USP6NL: variants seen among roughly 807,000 people sequenced by gnomAD.
USP6NL encodes USP6 N-terminal like.
USP6NL carries 26 observed loss-of-function variants against 61.9 expected under a neutral mutation model. The ratio of observed to expected loss-of-function variants is 0.42; its 90% confidence interval spans 0.31 to 0.58. The LOEUF (loss-of-function observed/expected upper bound fraction) is 0.58. Among genes scored for constraint, USP6NL ranks in the 20% least tolerant of loss-of-function variants. USP6NL has a pLI of 0.16. For synonymous variants in USP6NL, 432 were observed against 390.1 expected, an observed-to-expected ratio of 1.11 and a Z score of -1.27; for missense variants, 1,114 against 1,034.3, an observed-to-expected ratio of 1.08 and a Z score of -1.06.
chr10:11,507,691 T>C (rs1160229600), intron 6 of USP6NL, among the ~76,000 whole-genome samples: 1 of 152,224 alleles, frequency 6.6e-6, no homozygotes, highest in Admixed American at 6.5e-5. Context: ...CTTAATTTTT[T>C]TTTAGTTCAG....
At chr10:11,601,329 C>CA (rs2133679746) in intron 1 of USP6NL, among the ~76,000 whole-genome samples, 1 of 152,210 alleles carries the variant, frequency 6.6e-6, no homozygotes, top group South Asian at 2.1e-4. Context: ...AAGAGACATA[C>CA]ACATATGTAA....
intron 14 of USP6NL, among the ~76,000 whole-genome samples, chr10:11,469,074 T>C (rs1401016291): frequency 1.3e-5 from 2 of 152,200 alleles, no homozygotes; most frequent in Non-Finnish European, 1.5e-5. Flanking sequence ...CTATGCATCA[T>C]ATTAGAATTA....
chr10:11,558,476 C>A (rs905881008), intron 2 of USP6NL, among the ~76,000 whole-genome samples: 8 of 150,970 alleles, frequency 5.3e-5, no homozygotes, highest in Non-Finnish European at 7.4e-5. Context: ...GAATGCTAAT[C>A]TGGACATCTA....
Position 11,602,963 on chromosome 10 carries a change from C to G in USP6NL, c.-83-5246G>C, listed in dbSNP as rs1218720316. On this transcript the variant is annotated intron_variant, in intron 1 of 14. Coordinates refer to ENST00000609104, the MANE Select transcript of USP6NL (RefSeq NM_014688.5). The surrounding 1 kb of genome is among the most constrained non-coding windows in gnomAD (Gnocchi z 4.8). Reference sequence around the variant, plus strand: ...CTAAAGAATGCTCTTGCTGCAACCCCGTGAAACATAACGTCACATTTCTAC... The same window carrying G: ...CTAAAGAATGCTCTTGCTGCAACCCGGTGAAACATAACGTCACATTTCTAC... Among the ~76,000 whole-genome samples the G allele has an allele frequency of 1.3e-5, 2 of 152,186 alleles. No individual in the cohort carries two copies. The highest frequency in any genetic ancestry group is 2.9e-5 in the Non-Finnish European group (2 of 68,026).
chr10:11,472,231 G>C (rs1832781589), intron 14 of USP6NL, among the ~76,000 whole-genome samples: 1 of 152,082 alleles, frequency 6.6e-6, no homozygotes, highest in Admixed American at 6.6e-5. Flanking sequence ...TAAAAAAGAA[G>C]CCAACAAAAT....
intron 8 of USP6NL, among the ~76,000 whole-genome samples, chr10:11,492,488 G>A (rs1340628655): frequency 2.6e-5 from 4 of 152,358 alleles, no homozygotes; most frequent in Middle Eastern, 3.4e-3. Flanking sequence ...AAGAAACTCT[G>A]CCTGTGGCCA....
chr10:11,472,375 C>T (rs767455309), intron 14 of USP6NL, among the ~76,000 whole-genome samples: 3 of 152,246 alleles, frequency 2.0e-5, no homozygotes, highest in South Asian at 4.1e-4. Context: ...CGCCCATCAA[C>T]GGCCTCTGAG....
At position 11,525,035 on chromosome 10, in the gene USP6NL, C is replaced by T. The variant is rs2133394544; in HGVS notation, c.155+351G>A. ...TTTCAGGCTGCATAACACTAAAGTT[C>T]GAATTGCTATTTATTTTTAAAATGC... On this transcript the variant is annotated intron_variant, in intron 4 of 14. Coordinates refer to ENST00000609104, the MANE Select transcript of USP6NL (RefSeq NM_014688.5). This position sits in a 1 kb window ranked among gnomAD's most constrained non-coding sequence, Gnocchi z 5.0. Among the ~76,000 whole-genome samples, 2 of 152,174 alleles carry T rather than the reference C, an allele frequency of 1.3e-5. No homozygotes were observed. Among genetic ancestry groups the T allele is most frequent in the South Asian group, 2.1e-4 (1 of 4,812 alleles).
intron 2 of USP6NL, among the ~76,000 whole-genome samples, chr10:11,549,043 C>A (rs1306147500): frequency 6.6e-6 from 1 of 152,108 alleles, no homozygotes; most frequent in Admixed American, 6.5e-5. Flanking sequence ...TGCTTCTCTT[C>A]GGAGTCTAGT....
intron 2 of USP6NL, among the ~76,000 whole-genome samples, chr10:11,584,608 T>C (rs1253733483): frequency 3.9e-5 from 6 of 152,154 alleles, no homozygotes; most frequent in Non-Finnish European, 7.4e-5. Flanking sequence ...TTATCTCTCC[T>C]CTGACCATCA....
chr10:11,463,539 T>C lies in USP6NL; in HGVS notation c.1389A>G (p.Gln463=), dbSNP rs757226833. The C allele has an allele frequency of 2.3e-5, 37 of 1,613,946 alleles. No homozygotes were observed. The East Asian group carries it at 4.7e-4, about 20-fold the overall frequency. ...LPSGPQDSSR[Q]YNHAAANQNS... ...TTTGGTTGGCAGCTGCGTGATTATA[T>C]TGCCTGGAACTGTCCTGTGGACCCG... Residue 463 remains glutamine (Q), a synonymous_variant, in exon 15 of 15, where the codon CAA becomes CAG. Coordinates refer to ENST00000609104, the MANE Select transcript of USP6NL (RefSeq NM_014688.5). This position sits in a 1 kb window ranked among gnomAD's most constrained non-coding sequence, Gnocchi z 6.3.
intron 4 of USP6NL, among the ~76,000 whole-genome samples, chr10:11,523,071 C>T (rs1428712713): frequency 6.6e-6 from 1 of 152,040 alleles, no homozygotes; most frequent in Non-Finnish European, 1.5e-5. Flanking sequence ...GAACAGTGCT[C>T]AGCACACAGT....
In USP6NL at chr10:11,490,975, C is replaced by A. The variant is rs1014647007; in HGVS notation, c.495-95G>T. On this transcript the variant is annotated intron_variant, in intron 8 of 14. Coordinates refer to ENST00000609104, the MANE Select transcript of USP6NL (RefSeq NM_014688.5). The surrounding 1 kb of genome is among the most constrained non-coding windows in gnomAD (Gnocchi z 4.5). ...AAATAAACCAAAGACTGACTGAAAA[C>A]AGATAATCCAGATAAAATTACTAAT... 4.1e-5 allele frequency: 42 copies of A among 1,027,752 alleles called. No individual in the cohort carries two copies. The South Asian group carries it at 4.9e-4, about 12-fold the overall frequency. 63.7% of individuals were successfully genotyped at this position (1,027,752 alleles called of 1,614,324 possible).
rs1566192202 is a variant in USP6NL, at chr10:11,575,171, T to G, written c.4+22460A>C. Among the ~76,000 whole-genome samples, 1 of 152,158 alleles carries G rather than the reference T, an allele frequency of 6.6e-6. No homozygotes were observed. The highest frequency in any genetic ancestry group is 1.5e-5 in the Non-Finnish European group (1 of 68,018). On this transcript the variant is annotated intron_variant, in intron 2 of 14. Coordinates refer to ENST00000609104, the MANE Select transcript of USP6NL (RefSeq NM_014688.5). This position sits in a 1 kb window ranked among gnomAD's most constrained non-coding sequence, Gnocchi z 4.2. Reference sequence around the variant, plus strand: ...GAGTTCAGATGGGTCAAAGACTAAGTTTTAAACCTCAAGTCAAAACTGTGA... The same window carrying G: ...GAGTTCAGATGGGTCAAAGACTAAGGTTTAAACCTCAAGTCAAAACTGTGA...
chr10:11,479,737 G>A (rs1362853038), intron 14 of USP6NL, among the ~76,000 whole-genome samples: 10 of 151,898 alleles, frequency 6.6e-5, no homozygotes, highest in Non-Finnish European at 5.9e-5. Flanking sequence ...CACTATGCCC[G>A]ACTAATTTGT....
Position 11,482,450 on chromosome 10 carries a change from A to T in USP6NL, c.926-528T>A, listed in dbSNP as rs1046113705. Among the ~76,000 whole-genome samples, 1 of 152,258 alleles carries T rather than the reference A, an allele frequency of 6.6e-6. No individual in the cohort carries two copies. Among genetic ancestry groups the T allele is most frequent in the Non-Finnish European group, 1.5e-5 (1 of 68,050 alleles). ...ATATGAACACAAAGCAGAAAGTAAA[A>T]ATCTGCTCATTACATAATACCCTAC... On this transcript the variant is annotated intron_variant, in intron 13 of 14. Transcript: ENST00000609104. This position sits in a 1 kb window ranked among gnomAD's most constrained non-coding sequence, Gnocchi z 4.0.
chr10:11,527,491 G>T lies in USP6NL; in HGVS notation c.72+9C>A. 3.8e-6 allele frequency: 6 copies of T among 1,595,622 alleles called. No individual in the cohort carries two copies. The highest frequency in any genetic ancestry group is 4.3e-6 in the Non-Finnish European group (5 of 1,169,954). ...AAACTCACCCAAAGTGTTAAATATG[G>T]ATACTTACTCTGTCATATTTAGCAA... On this transcript the variant is annotated intron_variant, in intron 3 of 14. Transcript: ENST00000609104.
chr10:11,462,634 G>A lies in USP6NL; in HGVS notation c.2294C>T (p.Ser765Leu). The A allele has an allele frequency of 6.2e-7, 1 of 1,614,012 alleles. No individual in the cohort carries two copies. The highest frequency in any genetic ancestry group is 8.5e-7 in the Non-Finnish European group (1 of 1,179,890). ...CTGAAAGGGTGCGAGTTGAAAGGCT[G>A]AGTATTTTGGTAAATTGCCACGGCT... ...DASRGNLPKY[S>L]AFQLAPFQDH... Residue 765 changes from serine to leucine, a missense_variant, in exon 15 of 15, where the codon TCA becomes TTA. Ser to Leu is a moderately radical substitution (Grantham distance 145). Transcript: ENST00000609104.
intron 5 of USP6NL, among the ~76,000 whole-genome samples, chr10:11,514,338 T>C (rs1834862879): frequency 6.6e-6 from 1 of 152,140 alleles, no homozygotes; most frequent in South Asian, 2.1e-4. Context: ...GGTGGTAAAA[T>C]GGTGTTTGGG....
Sources: gnomAD v4.1 joint callset for allele counts (sites outside exome capture counted in the v4.1 genomes callset) on GRCh38, gnomAD v4.1.1 for gene constraint, Gnocchi (gnomAD v3.1) non-coding constraint, MANE v1.5 for transcripts, NCBI Gene and HGNC (gene_info 2026-07-23, HGNC 2026-07-21) for gene names.